Variants in FOXP1 observed in about 807,000 individuals in gnomAD.
FOXP1 encodes forkhead box protein P1.
A neutral mutation model predicts 98.2 loss-of-function variants in FOXP1; 15 were observed. The observed-to-expected ratio is 0.15, with a 90% CI of 0.10 to 0.24. FOXP1 has a LOEUF of 0.24. Among genes scored for constraint, FOXP1 ranks in the 10% least tolerant of loss-of-function variants. The probability of loss-of-function intolerance (pLI) is 1.00; values close to 1 mark genes in which losing one functional copy is unlikely to be tolerated. For missense variants in FOXP1, 633 were observed against 848.5 expected (o/e 0.75, Z 3.15); for synonymous variants, 371 against 314.5 (o/e 1.18, Z -1.90).
At chr3:71,273,995 A>G (rs896139760) in intron 5 of FOXP1, among the ~76,000 whole-genome samples, 2 of 152,044 alleles carry the variant, frequency 1.3e-5, no homozygotes, top group Non-Finnish European at 2.9e-5. Flanking sequence ...AAGAAGTCCT[A>G]CTCCTCCCAG....
In FOXP1 at chr3:71,066,074, G is replaced by A. The variant is rs1181468189; in HGVS notation, c.283-12301C>T. 2.3e-4 allele frequency among the ~76,000 whole-genome samples: 24 copies of A among 106,560 alleles called. 2 individuals carry two copies. The South Asian group carries it at 6.3e-3, about 28-fold the overall frequency. 69.9% of individuals were successfully genotyped at this position (106,560 alleles called of 152,430 possible). A position where few individuals can be genotyped will look rare whatever the true frequency, so the allele number is the denominator to read the frequency against. On this transcript the variant is annotated intron_variant, in intron 7 of 20. Transcript: ENST00000649528. Reference sequence around the variant, plus strand: ...GGAAAAGGAGTAGTGTGACATCAATGAATGCCTATTTGCCTTCAAAAAAAA... The same window carrying A: ...GGAAAAGGAGTAGTGTGACATCAATAAATGCCTATTTGCCTTCAAAAAAAA...
At chr3:71,368,285 C>T (rs1388768836) in intron 3 of FOXP1, among the ~76,000 whole-genome samples, 1 of 152,046 alleles carries the variant, frequency 6.6e-6, no homozygotes, top group Admixed American at 6.6e-5. Context: ...GCCACGACAC[C>T]TGGCTAATTT....
At chr3:71,287,238 G>A (rs914916381) in intron 5 of FOXP1, among the ~76,000 whole-genome samples, 2 of 152,124 alleles carry the variant, frequency 1.3e-5, no homozygotes, top group Admixed American at 6.6e-5. Flanking sequence ...TTGGGAGGCC[G>A]AGGTGGGTGG....
chr3:71,310,018 T>C (rs1198377394), intron 4 of FOXP1, among the ~76,000 whole-genome samples: 1 of 152,264 alleles, frequency 6.6e-6, no homozygotes, highest in Non-Finnish European at 1.5e-5. Flanking sequence ...ATGACTGCAC[T>C]AATTTTTAAT....
chr3:71,552,575 T>A (rs1215055084), intron 2 of FOXP1, among the ~76,000 whole-genome samples: 1 of 151,896 alleles, frequency 6.6e-6, no homozygotes, highest in Non-Finnish European at 1.5e-5. Context: ...AAAGGTCATT[T>A]AGAAAAACTA....
rs185674831 is a variant in FOXP1, at chr3:71,011,385, C to T, written c.974+4164G>A. On this transcript the variant is annotated intron_variant, in intron 12 of 20. Transcript: ENST00000649528. ...TGGGCCAATGACAGTCTGCCTATGG[C>T]TTTTTCTGGGGCTACATGGAAAGAG... is the stretch of plus-strand genomic sequence containing the variant. Among the ~76,000 whole-genome samples, 22 of 152,190 alleles carry T rather than the reference C, an allele frequency of 1.4e-4. No homozygotes were observed. The East Asian group carries it at 4.1e-3, about 28-fold the overall frequency.
chr3:71,558,074 G>A (rs2046267569), intron 2 of FOXP1, among the ~76,000 whole-genome samples: 1 of 152,178 alleles, frequency 6.6e-6, no homozygotes, highest in Non-Finnish European at 1.5e-5. Flanking sequence ...GGGATTACAG[G>A]CGTGAGCCAC....
In FOXP1 at chr3:70,955,344, C is replaced by G. The variant is rs950829088; in HGVS notation, c.*3903G>C. On this transcript the variant is annotated 3_prime_UTR_variant, in exon 21 of 21. Transcript: ENST00000649528. ...TTAGAGCTGTCCAAAGGTGGCAGGACTGGTGGTAACTCTTCACGTATGTAC... is the reference window on the plus strand; with the variant it reads ...TTAGAGCTGTCCAAAGGTGGCAGGAGTGGTGGTAACTCTTCACGTATGTAC... The G allele has an allele frequency of 5.2e-5, 12 of 232,644 alleles. No individual in the cohort carries two copies. The highest frequency in any genetic ancestry group is 1.0e-4 in the Non-Finnish European group (12 of 117,758). 14.4% of individuals were successfully genotyped at this position (232,644 alleles called of 1,614,324 possible).
intron 2 of FOXP1, among the ~76,000 whole-genome samples, chr3:71,507,540 C>A (rs1270918548): frequency 6.6e-6 from 1 of 151,880 alleles, no homozygotes; most frequent in Non-Finnish European, 1.5e-5. Context: ...CCAAATCATA[C>A]CTGCTTACCA....
intron 5 of FOXP1, among the ~76,000 whole-genome samples, chr3:71,234,332 A>C (rs956892745): frequency 6.6e-6 from 1 of 152,136 alleles, no homozygotes; most frequent in Non-Finnish European, 1.5e-5. Context: ...CAATCAGCAC[A>C]CTCATCCTCC....
At chr3:71,292,250 C>T (rs185881091) in intron 5 of FOXP1, among the ~76,000 whole-genome samples, 1 of 152,208 alleles carries the variant, frequency 6.6e-6, no homozygotes, top group Admixed American at 6.5e-5. Context: ...TGTAAGCTAC[C>T]ATGGCAAGCC....
At chr3:71,243,669 G>A (rs1343696987) in intron 5 of FOXP1, among the ~76,000 whole-genome samples, 4 of 152,136 alleles carry the variant, frequency 2.6e-5, no homozygotes, top group African/African-American at 9.7e-5. Flanking sequence ...ACTGTAGAAA[G>A]AAAATACATC....
At chr3:71,419,883 C>T (rs908074958) in intron 3 of FOXP1, among the ~76,000 whole-genome samples, 2 of 152,122 alleles carry the variant, frequency 1.3e-5, no homozygotes, top group African/African-American at 4.8e-5. Context: ...GGCGTGATCT[C>T]GGCTCGCTGC....
chr3:71,038,960 C>G (rs2047971678), intron 11 of FOXP1, among the ~76,000 whole-genome samples: 1 of 152,096 alleles, frequency 6.6e-6, no homozygotes, highest in African/African-American at 2.4e-5. Context: ...ACCACTGTAC[C>G]AGGCCTAATT....
At chr3:71,317,884 A>G (rs1441156320) in intron 4 of FOXP1, among the ~76,000 whole-genome samples, 1 of 152,238 alleles carries the variant, frequency 6.6e-6, no homozygotes, top group Non-Finnish European at 1.5e-5. Context: ...GAATATAAAA[A>G]TGATATGAGC....
intron 4 of FOXP1, among the ~76,000 whole-genome samples, chr3:71,353,665 A>T (rs557648603): frequency 3.3e-5 from 5 of 152,338 alleles, no homozygotes; most frequent in African/African-American, 1.2e-4. Context: ...TTTCCTAGAT[A>T]ACCCTAGTTA....
intron 5 of FOXP1, among the ~76,000 whole-genome samples, chr3:71,202,086 C>T (rs149510346): frequency 1.1e-3 from 169 of 152,320 alleles, no homozygotes; most frequent in African/African-American, 3.9e-3. Context: ...GGAGTAAGAA[C>T]AGTCTCCAAT....
chr3:71,155,229 A>T (rs771619118), intron 6 of FOXP1, among the ~76,000 whole-genome samples: 19 of 152,208 alleles, frequency 1.2e-4, no homozygotes, highest in Non-Finnish European at 2.1e-4. Context: ...GGCCTAGAAA[A>T]TACATATAAA....
Position 71,250,320 on chromosome 3 carries a change from C to T in FOXP1, c.-12+49500G>A, listed in dbSNP as rs146022172. ...TGCCCAACAGAACTTTCTGTGACAA[C>T]GGAAATGTTCTATGCCTACAACATC... On this transcript the variant is annotated intron_variant, in intron 5 of 20. Transcript: ENST00000649528. Among the ~76,000 whole-genome samples, 38 of 152,324 alleles carry T rather than the reference C, an allele frequency of 2.5e-4. No individual in the cohort carries two copies. The East Asian group carries it at 4.6e-3, about 19-fold the overall frequency.
Sources: allele counts gnomAD v4.1 joint callset (sites outside exome capture counted in the v4.1 genomes callset), GRCh38; gene constraint gnomAD v4.1.1; transcripts MANE v1.5; gene names NCBI Gene and HGNC (gene_info 2026-07-23, HGNC 2026-07-21).